The following GRID2 variants were observed in gnomAD, a reference collection of about 807,000 sequenced individuals.
The protein encoded by GRID2 is glutamate ionotropic receptor delta type subunit 2, also known as glutamate receptor ionotropic, delta-2.
In GRID2, 33 loss-of-function variants were observed where a neutral mutation model predicts 114.8. The observed-to-expected ratio is 0.29, with a 90% CI of 0.22 to 0.38. The LOEUF (loss-of-function observed/expected upper bound fraction) is 0.38, where lower values mean the gene tolerates loss of function less well. Among genes scored for constraint, GRID2 ranks in the 10% least tolerant of loss-of-function variants. The pLI is 1.00. For missense variants in GRID2, 1,184 were observed against 1,257.7 expected (o/e 0.94, Z 0.89); for synonymous variants, 505 against 449.9 (o/e 1.12, Z -1.55).
At chr4:92,519,293 G>A (rs1237235531) in intron 1 of GRID2, among the ~76,000 whole-genome samples, 1 of 151,672 alleles carries the variant, frequency 6.6e-6, no homozygotes, top group Non-Finnish European at 1.5e-5. Flanking sequence ...TGCTAAGGGA[G>A]GAATTCTACC....
intron 1 of GRID2, among the ~76,000 whole-genome samples, chr4:92,588,662 G>C (rs1728568302): frequency 8.4e-6 from 1 of 119,108 alleles, no homozygotes; most frequent in Non-Finnish European, 1.6e-5. Context: ...CTGGGCAACA[G>C]AGTGAGACTC....
chr4:93,489,220 C>A (rs1726734747), intron 11 of GRID2, among the ~76,000 whole-genome samples: 1 of 151,766 alleles, frequency 6.6e-6, no homozygotes, highest in African/African-American at 2.4e-5. Flanking sequence ...AAAAGATATC[C>A]TCTGAGCAGA....
At chr4:92,685,193 T>G (rs1247637784) in intron 2 of GRID2, among the ~76,000 whole-genome samples, 8 of 152,084 alleles carry the variant, frequency 5.3e-5, no homozygotes, top group Admixed American at 5.2e-4. Flanking sequence ...TCTACTTACT[T>G]TTGTCATGTG....
intron 1 of GRID2, among the ~76,000 whole-genome samples, chr4:92,464,956 G>T (rs1721676776): frequency 6.6e-6 from 1 of 151,964 alleles, no homozygotes; most frequent in Non-Finnish European, 1.5e-5. Flanking sequence ...AGGAGATCTG[G>T]TTGTTTAAAA....
intron 13 of GRID2, among the ~76,000 whole-genome samples, chr4:93,584,101 C>T (rs535215658): frequency 5.9e-5 from 9 of 152,106 alleles, no homozygotes; most frequent in Non-Finnish European, 8.8e-5. Context: ...CATAAAGACA[C>T]AACTGTTTCT....
chr4:93,487,019 C>A (rs1390395512), intron 11 of GRID2, among the ~76,000 whole-genome samples: 2 of 151,772 alleles, frequency 1.3e-5, no homozygotes, highest in East Asian at 1.9e-4. Flanking sequence ...GTTACAAAAC[C>A]ATTCAAATTT....
intron 4 of GRID2, among the ~76,000 whole-genome samples, chr4:93,143,173 C>G (rs560465554): frequency 6.6e-6 from 1 of 152,190 alleles, no homozygotes; most frequent in Admixed American, 6.5e-5. Flanking sequence ...ATTTTCTTAT[C>G]AGATTGCATT....
chr4:93,112,303 A>G (rs1020113026), intron 4 of GRID2: 2 of 152,064 alleles, frequency 1.3e-5, no homozygotes, highest in South Asian at 4.1e-4. Flanking sequence ...AGTGGTAATG[A>G]TATGGTTTCG....
At chr4:92,441,160 G>T (rs1412044528) in intron 1 of GRID2, among the ~76,000 whole-genome samples, 2 of 151,524 alleles carry the variant, frequency 1.3e-5, no homozygotes, top group Non-Finnish European at 2.9e-5. Context: ...CACTAACCAT[G>T]CCTAGGAAGG....
chr4:93,518,588 A>T (rs1730033238), intron 13 of GRID2, among the ~76,000 whole-genome samples: 1 of 152,136 alleles, frequency 6.6e-6, no homozygotes, highest in Middle Eastern at 3.2e-3. Flanking sequence ...ATAAACAATA[A>T]ACAAAATAAA....
chr4:93,380,401 G>T (rs894311288), intron 8 of GRID2, among the ~76,000 whole-genome samples: 3 of 151,250 alleles, frequency 2.0e-5, no homozygotes, highest in African/African-American at 7.3e-5. Flanking sequence ...AACTTGGAGA[G>T]AATAATTTTT....
intron 15 of GRID2, among the ~76,000 whole-genome samples, chr4:93,771,373 C>A (rs573745786): frequency 6.6e-6 from 1 of 152,160 alleles, no homozygotes; most frequent in African/African-American, 2.4e-5. Context: ...AAAGCTGGCC[C>A]TAAACTAAAG....
At chr4:93,629,577 A>G (rs1743061229) in intron 14 of GRID2, among the ~76,000 whole-genome samples, 1 of 152,162 alleles carries the variant, frequency 6.6e-6, no homozygotes, top group Non-Finnish European at 1.5e-5. Context: ...AAATTTAACC[A>G]TTTTAGTACA....
chr4:93,666,956 G>A (rs547788297), intron 14 of GRID2, among the ~76,000 whole-genome samples: 83 of 152,062 alleles, frequency 5.5e-4, no homozygotes, highest in African/African-American at 1.6e-3. Context: ...TTGGTATCGG[G>A]TGCTCTAATT....
At chr4:92,915,304 T>C (rs980939597) in intron 2 of GRID2, among the ~76,000 whole-genome samples, 1 of 152,158 alleles carries the variant, frequency 6.6e-6, no homozygotes, top group Non-Finnish European at 1.5e-5. Context: ...ACCATTTTTG[T>C]TGTTTCAAAA....
intron 1 of GRID2, among the ~76,000 whole-genome samples, chr4:92,493,127 CAAA>C (rs1043809824): frequency 6.2e-5 from 3 of 48,470 alleles, no homozygotes; most frequent in Non-Finnish European, 4.7e-5. Flanking sequence ...GACTCCATCT[CAAA>C]AAAAAAAAAA....
At chr4:92,856,049 G>A (rs993073499) in intron 2 of GRID2, among the ~76,000 whole-genome samples, 3 of 152,010 alleles carry the variant, frequency 2.0e-5, no homozygotes, top group African/African-American at 7.2e-5. Context: ...AAGTGGATGA[G>A]TCTTTCCTCC....
At chr4:92,336,309 G>A (rs1164749157) in intron 1 of GRID2, among the ~76,000 whole-genome samples, 2 of 152,138 alleles carry the variant, frequency 1.3e-5, no homozygotes, top group African/African-American at 4.8e-5. Flanking sequence ...AGTTGGGAAA[G>A]CCAGATCCCT....
intron 1 of GRID2, among the ~76,000 whole-genome samples, chr4:92,549,123 A>C (rs1333220088): frequency 2.3e-5 from 1 of 43,424 alleles, no homozygotes; most frequent in Non-Finnish European, 4.6e-5. Flanking sequence ...GGTCTTCCGC[A>C]AAAAAAAAAA....
Sources: allele counts gnomAD v4.1 joint callset (sites outside exome capture counted in the v4.1 genomes callset), GRCh38; gene constraint gnomAD v4.1.1; transcripts MANE v1.5; gene names NCBI Gene and HGNC (gene_info 2026-07-23, HGNC 2026-07-21).